Variants in DISC1 observed in about 807,000 individuals in gnomAD.
DISC1 encodes disrupted in schizophrenia 1 protein.
DISC1 carries 57 observed loss-of-function variants against 84.5 expected under a neutral mutation model. That is an observed-to-expected ratio of 0.67 (90% CI 0.55 to 0.84). The LOEUF (loss-of-function observed/expected upper bound fraction) is 0.84, where lower values mean the gene tolerates loss of function less well. DISC1 is among the 40% of genes least tolerant of loss of function. The pLI is 0.00. For synonymous variants in DISC1, 411 were observed against 415.2 expected (o/e 0.99, Z 0.12); for missense variants, 1,000 against 1,057.8 (o/e 0.95, Z 0.76).
In DISC1 at chr1:231,977,064, T is replaced by TA. The variant is rs201192713; in HGVS notation, c.2042+18183dup. On this transcript the variant is annotated intron_variant, in intron 10 of 12. Coordinates refer to ENST00000439617, the MANE Select transcript of DISC1 (RefSeq NM_018662.3). ...CAACAGGAGTTCCTTTAGCAAGACT[T>TA]AAAAAAATGATTACTGTGGAAATTT... Among the ~76,000 whole-genome samples, 590 of 152,166 alleles carry TA rather than the reference T, an allele frequency of 3.9e-3. 5 individuals are homozygous for TA. Among genetic ancestry groups the TA allele is most frequent in the African/African-American group, 0.013 (557 of 41,514 alleles).
intron 1 of DISC1, among the ~76,000 whole-genome samples, chr1:231,633,133 CA>C (rs2058877151): frequency 6.6e-6 from 1 of 152,188 alleles, no homozygotes; most frequent in Non-Finnish European, 1.5e-5. Context: ...CACTAAATGT[CA>C]ATGGATCCTT....
At chr1:231,885,483 A>AATAC (rs1265796845) in intron 9 of DISC1, among the ~76,000 whole-genome samples, 1 of 152,208 alleles carries the variant, frequency 6.6e-6, no homozygotes, top group Non-Finnish European at 1.5e-5. Flanking sequence ...TGAAAATGTG[A>AATAC]ATACATATAT....
intron 10 of DISC1, among the ~76,000 whole-genome samples, chr1:231,999,090 G>A (rs1666329304): frequency 6.6e-6 from 1 of 151,920 alleles, no homozygotes; most frequent in Non-Finnish European, 1.5e-5. Context: ...ACCAATAGAA[G>A]AAGATTTGAT....
intron 9 of DISC1, among the ~76,000 whole-genome samples, chr1:231,925,600 C>T (rs1057060193): frequency 1.3e-5 from 2 of 152,170 alleles, no homozygotes; most frequent in Admixed American, 6.5e-5. Context: ...CAAATCCTAA[C>T]CCCTGATACC....
At chr1:231,831,849 TGGGGGG>T (rs59813729) in intron 9 of DISC1, among the ~76,000 whole-genome samples, 1 of 142,108 alleles carries the variant, frequency 7.0e-6, no homozygotes, top group African/African-American at 2.6e-5. Context: ...TGAGAGGTAG[TGGGGGG>T]GGGTGGGCAG....
intron 1 of DISC1, among the ~76,000 whole-genome samples, chr1:231,644,826 A>G (rs1339903951): frequency 1.3e-5 from 2 of 151,650 alleles, no homozygotes; most frequent in African/African-American, 2.4e-5. Context: ...TCTGCTTGAG[A>G]TACTTGAAGT....
At chr1:231,996,705 C>T (rs1193497322) in intron 10 of DISC1, among the ~76,000 whole-genome samples, 1 of 152,148 alleles carries the variant, frequency 6.6e-6, no homozygotes, top group Non-Finnish European at 1.5e-5. Flanking sequence ...AAAACACTAA[C>T]ATGCCTGGGT....
rs370480495 is a variant in DISC1, at chr1:231,958,897, A to G, written c.2042+9A>G. The G allele has an allele frequency of 1.4e-5, 23 of 1,610,696 alleles. No homozygotes were observed. Among genetic ancestry groups the G allele is most frequent in the Middle Eastern group, 1.7e-4 (1 of 6,054 alleles). ...AAGAATAAACTGTGCAGGTAAGGAT[A>G]ATAATTTCTGTATTTCAGACTCCGT... On this transcript the variant is annotated intron_variant, in intron 10 of 12. Transcript: ENST00000439617.
intron 11 of DISC1, among the ~76,000 whole-genome samples, chr1:232,024,167 TC>T: frequency 6.6e-6 from 1 of 152,240 alleles, no homozygotes; most frequent in Non-Finnish European, 1.5e-5. Context: ...ACACTAAAGT[TC>T]CTTTAATTGT....
intron 9 of DISC1, among the ~76,000 whole-genome samples, chr1:231,936,454 T>C (rs1038603483): frequency 5.3e-5 from 8 of 152,278 alleles, no homozygotes; most frequent in Admixed American, 4.6e-4. Flanking sequence ...GCACTCTCTC[T>C]ACCCACACCG....
chr1:231,790,266 C>A (rs1470517453), intron 6 of DISC1, among the ~76,000 whole-genome samples: 1 of 152,154 alleles, frequency 6.6e-6, no homozygotes, highest in Admixed American at 6.6e-5. Flanking sequence ...ACTCATCATA[C>A]CACAAGAAAT....
chr1:231,940,943 G>A (rs1191015352), intron 9 of DISC1: 1 of 152,120 alleles, frequency 6.6e-6, no homozygotes, highest in Non-Finnish European at 1.5e-5. Context: ...ATGTTCCTCC[G>A]GCTCTGCCAC....
Position 232,009,177 on chromosome 1 carries a change from C to A in DISC1, c.2307+128C>A. On this transcript the variant is annotated intron_variant, in intron 11 of 12. Transcript: ENST00000439617. This position sits in a 1 kb window ranked among gnomAD's most constrained non-coding sequence, Gnocchi z 4.6. ...TGAGCATATAAACTTTTAAAAGTTTCAATAACTCTTGAATATGATTACAAA... is the reference window on the plus strand; with the variant it reads ...TGAGCATATAAACTTTTAAAAGTTTAAATAACTCTTGAATATGATTACAAA... 6.8e-7 allele frequency: 1 copy of A among 1,471,508 alleles called. No individual in the cohort carries two copies. Among genetic ancestry groups the A allele is most frequent in the Non-Finnish European group, 9.0e-7 (1 of 1,108,038 alleles). The allele number at this position is 1,471,508 out of a possible 1,614,324, so 91.2% of individuals were successfully genotyped here.
At chr1:231,885,389 T>C (rs1266763158) in intron 9 of DISC1, among the ~76,000 whole-genome samples, 2 of 152,196 alleles carry the variant, frequency 1.3e-5, no homozygotes, top group African/African-American at 4.8e-5. Context: ...TTTAGCATTT[T>C]TGAGCTATGG....
In DISC1 at chr1:231,800,134, C is replaced by T. The variant is rs868212075; in HGVS notation, c.1716C>T (p.Ser572=). Residue 572 remains serine (S), a synonymous_variant, in exon 8 of 13, where the codon AGC becomes AGT. Transcript: ENST00000439617. ...TGTGTATGAGTGAGAAATTCTGCAG[C>T]ACCCTGAGGAAGAAAGTTAACGATA... ...TKVCMSEKFC[S]TLRKKVNDIE... 1 of 1,611,422 alleles carries T rather than the reference C, an allele frequency of 6.2e-7. No homozygotes were observed. The highest frequency in any genetic ancestry group is 1.3e-5 in the African/African-American group (1 of 74,656).
At position 231,849,413 on chromosome 1, in the gene DISC1, C is replaced by T. The variant is rs12122316; in HGVS notation, c.1981+30896C>T. Among the ~76,000 whole-genome samples, 1,061 of 152,288 alleles carry T rather than the reference C, an allele frequency of 7.0e-3. 12 individuals carry two copies. The highest frequency in any genetic ancestry group is 9.7e-3 in the Non-Finnish European group (658 of 68,022). On this transcript the variant is annotated intron_variant, in intron 9 of 12. Transcript: ENST00000439617. Reference sequence around the variant, plus strand: ...GGGATTACAGGCGTGAGCCACCGTGCCTGGCCTATCCTCATTTTACAGAAG... The same window carrying T: ...GGGATTACAGGCGTGAGCCACCGTGTCTGGCCTATCCTCATTTTACAGAAG...
intron 9 of DISC1, among the ~76,000 whole-genome samples, chr1:231,940,727 A>G (rs941033636): frequency 1.3e-5 from 2 of 152,208 alleles, no homozygotes; most frequent in African/African-American, 4.8e-5. Flanking sequence ...GCTGCGTGTT[A>G]TTGCACTTTG....
intron 1 of DISC1, among the ~76,000 whole-genome samples, chr1:231,689,329 T>A (rs984684400): frequency 2.7e-5 from 4 of 149,180 alleles, no homozygotes; most frequent in East Asian, 1.9e-4. Context: ...CCACGTGTCT[T>A]TTTTTTTTGT....
intron 9 of DISC1, among the ~76,000 whole-genome samples, chr1:231,877,852 C>G (rs2086005893): frequency 6.6e-6 from 1 of 152,008 alleles, no homozygotes; most frequent in Non-Finnish European, 1.5e-5. Flanking sequence ...TTCGACTGAA[C>G]AGATGAAAAT....
Sources: gnomAD v4.1 joint callset for allele counts (sites outside exome capture counted in the v4.1 genomes callset) on GRCh38, gnomAD v4.1.1 for gene constraint, Gnocchi (gnomAD v3.1) non-coding constraint, MANE v1.5 for transcripts, NCBI Gene and HGNC (gene_info 2026-07-23, HGNC 2026-07-21) for gene names.